C2orf76: variants seen among roughly 807,000 people sequenced by gnomAD.
The protein encoded by C2orf76 is UPF0538 protein C2orf76.
Under a neutral mutation model 16.9 loss-of-function variants are expected in C2orf76, and 23 were observed. The observed-to-expected ratio is 1.36, with a 90% confidence interval of 0.98 to 1.93. C2orf76 has a LOEUF of 1.93. Among genes scored for constraint, C2orf76 ranks in the 30% most tolerant of loss-of-function variants. C2orf76 has a pLI of 0.00. For synonymous variants in C2orf76, 48 were observed against 52.3 expected, an observed-to-expected ratio of 0.92 and a Z score of 0.35; for missense variants, 152 against 152.6, an observed-to-expected ratio of 1.00 and a Z score of 0.02.
intron 1 of C2orf76, among the ~76,000 whole-genome samples, chr2:119,345,131 CATCAAGGA>C (rs1371317358): frequency 6.6e-6 from 1 of 152,084 alleles, no homozygotes; most frequent in Non-Finnish European, 1.5e-5. Context: ...AAGCAGCAAT[CATCAAGGA>C]AAAGACTGAT....
intron 2 of C2orf76, among the ~76,000 whole-genome samples, chr2:119,332,463 T>C (rs1196879996): frequency 6.6e-6 from 1 of 152,156 alleles, no homozygotes; most frequent in Non-Finnish European, 1.5e-5. Context: ...ATCTAAATTA[T>C]AGAAAAGCAC....
intron 4 of C2orf76, among the ~76,000 whole-genome samples, chr2:119,316,470 T>C (rs982100925): frequency 3.9e-5 from 6 of 152,244 alleles, no homozygotes; most frequent in African/African-American, 9.6e-5. Flanking sequence ...TAAATGTGTG[T>C]TGTTTTAAGC....
chr2:119,283,206 G>A, the C2orf76 span, among the ~76,000 whole-genome samples: 3 of 151,592 alleles, frequency 2.0e-5, no homozygotes, highest in Admixed American at 2.0e-4. Flanking sequence ...GGTGTAGCTC[G>A]GGGCAGGGGT....
At chr2:119,288,158 A>ATTTT in the C2orf76 span, among the ~76,000 whole-genome samples, 2,798 of 140,220 alleles carry the variant, frequency 0.02, 91 homozygotes, top group African/African-American at 0.068. Context: ...TTATACTTCA[A>ATTTT]TTTTTTTTTT....
At chr2:119,359,030 G>A (rs941525822) in intron 1 of C2orf76, among the ~76,000 whole-genome samples, 2 of 152,208 alleles carry the variant, frequency 1.3e-5, no homozygotes, top group Non-Finnish European at 2.9e-5. Context: ...CAGGCTGACT[G>A]TGGGTAAGGG....
intron 1 of C2orf76, among the ~76,000 whole-genome samples, chr2:119,350,671 T>A (rs1489790404): frequency 6.6e-6 from 1 of 152,156 alleles, no homozygotes. Context: ...CTTGGAAGCT[T>A]TGAGACCCCA....
chr2:119,309,398 C>CT (rs1193022536), intron 5 of C2orf76, among the ~76,000 whole-genome samples: 1,499 of 71,422 alleles, frequency 0.021, 153 homozygotes, highest in Non-Finnish European at 0.027. Flanking sequence ...TTCTCTTTTT[C>CT]TTTTTTTTTT....
Position 119,336,169 on chromosome 2 carries a change from C to T in C2orf76, c.133+3658G>A, listed in dbSNP as rs141038693. 6.6e-5 allele frequency among the ~76,000 whole-genome samples: 10 copies of T among 151,928 alleles called. No homozygotes were observed. The East Asian group carries it at 7.7e-4, about 12-fold the overall frequency. ...CAGCACTTTGGGAGGCTGAGGCAGG[C>T]GGATCTCTTGAGATCAGAAGTTTGA... On this transcript the variant is annotated intron_variant, in intron 2 of 5. Transcript: ENST00000334816.
chr2:119,291,353 C>A, the C2orf76 span, among the ~76,000 whole-genome samples: 1 of 151,880 alleles, frequency 6.6e-6, no homozygotes, highest in South Asian at 2.1e-4. Flanking sequence ...CTCACTCCAC[C>A]CCATCCCACC....
intron 5 of C2orf76, among the ~76,000 whole-genome samples, chr2:119,304,316 G>A (rs562795064): frequency 1.3e-5 from 2 of 152,184 alleles, no homozygotes; most frequent in Admixed American, 6.5e-5. Flanking sequence ...ACAGCACTTC[G>A]CTCAGTCCAC....
chr2:119,318,385 G>C (rs1679243550), intron 3 of C2orf76, among the ~76,000 whole-genome samples: 1 of 152,140 alleles, frequency 6.6e-6, no homozygotes, highest in Non-Finnish European at 1.5e-5. Context: ...AATTCCAACA[G>C]TGACAGGAAA....
chr2:119,319,691 A>C (rs1679285321), intron 3 of C2orf76, among the ~76,000 whole-genome samples: 1 of 152,120 alleles, frequency 6.6e-6, no homozygotes, highest in African/African-American at 2.4e-5. Context: ...ATTAAATGGG[A>C]GGAGGGCTCT....
chr2:119,338,391 C>G (rs1679918234), intron 2 of C2orf76, among the ~76,000 whole-genome samples: 2 of 152,230 alleles, frequency 1.3e-5, no homozygotes, highest in Non-Finnish European at 1.5e-5. Context: ...CATTAACGAG[C>G]TTTACTAACT....
the C2orf76 span, among the ~76,000 whole-genome samples, chr2:119,294,470 TG>T: frequency 1.3e-5 from 2 of 152,066 alleles, no homozygotes; most frequent in Non-Finnish European, 2.9e-5. Context: ...CAGAACTTGA[TG>T]GTGTGGAAGA....
At chr2:119,333,912 C>T (rs1371168314) in intron 2 of C2orf76, among the ~76,000 whole-genome samples, 1 of 152,150 alleles carries the variant, frequency 6.6e-6, no homozygotes, top group Non-Finnish European at 1.5e-5. Context: ...CACAAAATGA[C>T]ATGAAGGACC....
intron 2 of C2orf76, among the ~76,000 whole-genome samples, chr2:119,331,207 ATCCTT>A (rs1573650606): frequency 6.6e-6 from 1 of 152,114 alleles, no homozygotes; most frequent in East Asian, 1.9e-4. Flanking sequence ...AAACAATCTG[ATCCTT>A]TCAAGTTGTG....
At chr2:119,356,001 T>G (rs1405506348) in intron 1 of C2orf76, among the ~76,000 whole-genome samples, 1 of 152,116 alleles carries the variant, frequency 6.6e-6, no homozygotes. Flanking sequence ...CTGACCACAG[T>G]GGAATCAAAT....
intron 1 of C2orf76, among the ~76,000 whole-genome samples, chr2:119,365,471 T>C (rs1473964698): frequency 6.6e-6 from 1 of 152,218 alleles, no homozygotes; most frequent in East Asian, 1.9e-4. Context: ...TTGTTCCCTA[T>C]TGCATCTTCA....
chr2:119,309,510 T>G (rs1678914833), intron 5 of C2orf76, among the ~76,000 whole-genome samples: 1 of 145,844 alleles, frequency 6.9e-6, no homozygotes, highest in Non-Finnish European at 1.5e-5. Context: ...CCCTCTACCT[T>G]CCAGGTTCAA....
Sources: gnomAD v4.1 joint callset for allele counts (sites outside exome capture counted in the v4.1 genomes callset) on GRCh38, gnomAD v4.1.1 for gene constraint, MANE v1.5 for transcripts, NCBI Gene and HGNC (gene_info 2026-07-23, HGNC 2026-07-21) for gene names.